GRK3: variants seen among roughly 807,000 people sequenced by gnomAD.
GRK3 encodes the protein adrenergic, beta, receptor kinase 2.
In GRK3, 54 loss-of-function variants were observed where a neutral mutation model predicts 95.7. That is an observed-to-expected ratio of 0.56 (90% CI 0.45 to 0.71). The LOEUF is 0.71. GRK3 is among the 30% of genes least tolerant of loss of function. The pLI, the probability that GRK3 is intolerant of heterozygous loss-of-function variation, is 0.00. For synonymous variants in GRK3, 281 were observed against 290.8 expected, an observed-to-expected ratio of 0.97 and a Z score of 0.34; for missense variants, 649 against 851.2, an observed-to-expected ratio of 0.76 and a Z score of 2.96.
chr22:25,599,645 T>A (rs1343778576), intron 1 of GRK3, among the ~76,000 whole-genome samples: 1 of 151,636 alleles, frequency 6.6e-6, no homozygotes, highest in East Asian at 1.9e-4. Flanking sequence ...ATAAATAACT[T>A]GTATCCAGAA....
chr22:25,719,197 A>T (rs1420140708), intron 19 of GRK3, among the ~76,000 whole-genome samples: 3 of 116,634 alleles, frequency 2.6e-5, no homozygotes, highest in East Asian at 7.6e-4. Context: ...AAGTGCTGTT[A>T]AAAAAAAAAA....
chr22:25,603,226 CT>C (rs1168139369), intron 1 of GRK3, among the ~76,000 whole-genome samples: 1 of 152,036 alleles, frequency 6.6e-6, no homozygotes, highest in Non-Finnish European at 1.5e-5. Context: ...TAACAATATA[CT>C]TTAAGTGTGC....
intron 2 of GRK3, among the ~76,000 whole-genome samples, chr22:25,625,257 A>T (rs1453799926): frequency 6.6e-6 from 1 of 152,200 alleles, no homozygotes; most frequent in African/African-American, 2.4e-5. Context: ...GAATATCATT[A>T]ATCATTAGTT....
intron 2 of GRK3, among the ~76,000 whole-genome samples, chr22:25,610,454 G>A (rs1190865237): frequency 1.3e-5 from 2 of 152,160 alleles, no homozygotes; most frequent in Admixed American, 6.5e-5. Flanking sequence ...GCAAAAGAAC[G>A]AGACTCTGTC....
chr22:25,603,238 A>G (rs2146339244), intron 1 of GRK3, among the ~76,000 whole-genome samples: 1 of 152,310 alleles, frequency 6.6e-6, no homozygotes, highest in South Asian at 2.1e-4. Context: ...TTAAGTGTGC[A>G]TTTAATTGTA....
chr22:25,647,065 G>C (rs1222433228), intron 3 of GRK3, among the ~76,000 whole-genome samples: 2 of 147,858 alleles, frequency 1.4e-5, no homozygotes, highest in African/African-American at 5.0e-5. Flanking sequence ...AAAATGAAAT[G>C]GCCATCATTA....
intron 1 of GRK3, among the ~76,000 whole-genome samples, chr22:25,589,978 C>T (rs1311608578): frequency 1.3e-5 from 2 of 152,154 alleles, no homozygotes; most frequent in Non-Finnish European, 2.9e-5. Flanking sequence ...AGATCCGGCT[C>T]CATGATTCAA....
At chr22:25,645,517 G>A (rs903615530) in intron 3 of GRK3, among the ~76,000 whole-genome samples, 8 of 152,198 alleles carry the variant, frequency 5.3e-5, no homozygotes, top group Admixed American at 4.6e-4. Flanking sequence ...CAAACTGAGT[G>A]GGGTGGGAGG....
chr22:25,691,684 A>G (rs1982644410), intron 12 of GRK3, among the ~76,000 whole-genome samples: 1 of 152,240 alleles, frequency 6.6e-6, no homozygotes, highest in African/African-American at 2.4e-5. Flanking sequence ...TCAGTTTAGT[A>G]TAGTCATAAC....
Position 25,675,458 on chromosome 22 carries a change from A to AT in GRK3, c.647+941dup, listed in dbSNP as rs112270545. ...GTGGAATTCTTAAGTGTGGGGGAAC[A>AT]TTTTTTTTTTTAACAGAAGTGGCTT... On this transcript the variant is annotated intron_variant, in intron 8 of 20. Coordinates refer to ENST00000324198, the MANE Select transcript of GRK3 (RefSeq NM_005160.4). Among the ~76,000 whole-genome samples, 726 of 148,122 alleles carry AT rather than the reference A, an allele frequency of 4.9e-3. 23 individuals are homozygous for AT. The East Asian group carries it at 0.099, about 20-fold the overall frequency.
intron 3 of GRK3, among the ~76,000 whole-genome samples, chr22:25,659,347 C>G (rs2084894892): frequency 6.6e-6 from 1 of 152,198 alleles, no homozygotes; most frequent in Non-Finnish European, 1.5e-5. Flanking sequence ...ACTAGACCAT[C>G]TCACTACAAT....
At chr22:25,647,497 T>C (rs2084794139) in intron 3 of GRK3, 29 of 1,412,538 alleles carry the variant, frequency 2.1e-5, no homozygotes, top group South Asian at 1.5e-4. Flanking sequence ...TTCCTCATTC[T>C]CAGTGGTGCC....
chr22:25,705,853 T>C (rs2085295638), intron 15 of GRK3, among the ~76,000 whole-genome samples: 1 of 152,200 alleles, frequency 6.6e-6, no homozygotes, highest in South Asian at 2.1e-4. Flanking sequence ...GTAATAATTT[T>C]CCCCCAGAGC....
chr22:25,619,025 G>A (rs1189843398), intron 2 of GRK3, among the ~76,000 whole-genome samples: 2 of 152,088 alleles, frequency 1.3e-5, no homozygotes, highest in Non-Finnish European at 2.9e-5. Flanking sequence ...CCTTATTATT[G>A]TATTATGCCC....
At chr22:25,688,996 T>C (rs1485111672) in intron 11 of GRK3, among the ~76,000 whole-genome samples, 1 of 152,218 alleles carries the variant, frequency 6.6e-6, no homozygotes, top group Non-Finnish European at 1.5e-5. Context: ...TGTTCCTTCC[T>C]CTAGGGAGCT....
intron 3 of GRK3, among the ~76,000 whole-genome samples, chr22:25,645,887 C>T (rs567583861): frequency 7.3e-5 from 11 of 151,464 alleles, no homozygotes; most frequent in South Asian, 6.3e-4. Flanking sequence ...CACCACTGCA[C>T]TCCAGCCTGG....
intron 15 of GRK3, among the ~76,000 whole-genome samples, chr22:25,706,165 T>C (rs910388836): frequency 6.6e-6 from 1 of 152,220 alleles, no homozygotes; most frequent in Non-Finnish European, 1.5e-5. Context: ...TTCAACCCTT[T>C]CGTTGATTTC....
intron 1 of GRK3, among the ~76,000 whole-genome samples, chr22:25,594,746 T>G (rs2084360842): frequency 6.6e-6 from 1 of 151,784 alleles, no homozygotes; most frequent in East Asian, 1.9e-4. Context: ...GGCGTGGCGG[T>G]GGGCACCTGT....
Position 25,610,839 on chromosome 22 carries a change from A to G in GRK3, c.190+6386A>G, listed in dbSNP as rs570281631. Reference sequence around the variant, plus strand: ...CCTTTTTGTTGCTAAATAGCATTCCATATTATGGACAGAGCACACTTTTTT... The same window carrying G: ...CCTTTTTGTTGCTAAATAGCATTCCGTATTATGGACAGAGCACACTTTTTT... On this transcript the variant is annotated intron_variant, in intron 2 of 20. Transcript: ENST00000324198. 3.9e-5 allele frequency among the ~76,000 whole-genome samples: 6 copies of G among 152,168 alleles called. No homozygotes were observed. The South Asian group carries it at 1.0e-3, about 26-fold the overall frequency.
Sources: allele counts gnomAD v4.1 joint callset (sites outside exome capture counted in the v4.1 genomes callset), GRCh38; gene constraint gnomAD v4.1.1; transcripts MANE v1.5; gene names NCBI Gene and HGNC (gene_info 2026-07-23, HGNC 2026-07-21).